Variants in PTN observed in about 807,000 individuals in gnomAD.
The protein encoded by PTN is heparin affin regulatory protein.
A neutral mutation model predicts 24.1 loss-of-function variants in PTN; 18 were observed. The observed-to-expected ratio is 0.75, with a 90% CI of 0.52 to 1.11. The LOEUF (loss-of-function observed/expected upper bound fraction) is 1.11. Among genes scored for constraint, PTN ranks in the 50% least tolerant of loss-of-function variants. The probability of loss-of-function intolerance (pLI) is 0.00; values close to 1 mark genes in which losing one functional copy is unlikely to be tolerated. For missense variants in PTN, 163 were observed against 198.8 expected (o/e 0.82, Z 1.08); for synonymous variants, 78 against 68.6 (o/e 1.14, Z -0.67).
In PTN at chr7:137,227,744, T is replaced by C. The variant is rs946829257; in HGVS notation, c.*276A>G. On this transcript the variant is annotated 3_prime_UTR_variant, in exon 5 of 5. Transcript: ENST00000348225. The stretch of plus-strand genomic sequence containing the variant: ...AAAAAATTTAATGTAAAATGTCACA[T>C]AATTTCAAAAAACTTACCTCAATTG... 7.0e-6 allele frequency: 2 copies of C among 284,922 alleles called. No individual in the cohort carries two copies. Among genetic ancestry groups the C allele is most frequent in the Non-Finnish European group, 1.3e-5 (2 of 155,420 alleles). 17.6% of individuals were successfully genotyped at this position (284,922 alleles called of 1,614,324 possible). A position where few individuals can be genotyped will look rare whatever the true frequency, so the allele number is the denominator to read the frequency against.
chr7:137,230,998 A>C (rs558788854), intron 4 of PTN, among the ~76,000 whole-genome samples: 10 of 151,914 alleles, frequency 6.6e-5, no homozygotes, highest in African/African-American at 2.4e-4. Flanking sequence ...AATGCCTCCC[A>C]TCCTTCAGGT....
intron 1 of PTN, among the ~76,000 whole-genome samples, chr7:137,286,092 A>T (rs896915859): frequency 1.3e-5 from 2 of 152,194 alleles, no homozygotes; most frequent in Admixed American, 1.3e-4. Context: ...ACTCATATGC[A>T]CCTAGTTTAG....
At chr7:137,244,813 T>A (rs1003387569) in intron 4 of PTN, among the ~76,000 whole-genome samples, 1 of 152,114 alleles carries the variant, frequency 6.6e-6, no homozygotes, top group Non-Finnish European at 1.5e-5. Context: ...GAAGGATTGC[T>A]TCTATACCTC....
At chr7:137,340,154 A>T (rs1352543849) in intron 1 of PTN, among the ~76,000 whole-genome samples, 1 of 152,206 alleles carries the variant, frequency 6.6e-6, no homozygotes, top group African/African-American at 2.4e-5. Flanking sequence ...ATCCCTAAAA[A>T]TATCTCAAAC....
Position 137,254,994 on chromosome 7 carries a change from G to C in PTN, c.-1-20C>G, listed in dbSNP as rs1367539309. ...TGCATTCTAGGAATAAACAGAGAAA[G>C]AGAAGAAGGTGGCATTAACCTAAGT... On this transcript the variant is annotated intron_variant, in intron 1 of 4. Transcript: ENST00000348225. The C allele has an allele frequency of 6.7e-7, 1 of 1,492,576 alleles. No individual in the cohort carries two copies. Among genetic ancestry groups the C allele is most frequent in the African/African-American group, 1.4e-5 (1 of 73,382 alleles). 92.5% of individuals were successfully genotyped at this position (1,492,576 alleles called of 1,614,324 possible). A position where few individuals can be genotyped will look rare whatever the true frequency, so the allele number is the denominator to read the frequency against.
chr7:137,236,641 C>G (rs532107528), intron 4 of PTN, among the ~76,000 whole-genome samples: 4 of 152,192 alleles, frequency 2.6e-5, no homozygotes, highest in Non-Finnish European at 4.4e-5. Flanking sequence ...TCATCGACCT[C>G]TATACCTAAA....
rs866712221 is a variant in PTN at position 137,318,272 on chromosome 7, T to C, written c.-2+25167A>G. On this transcript the variant is annotated intron_variant, in intron 1 of 4. Coordinates refer to ENST00000348225, the MANE Select transcript of PTN (RefSeq NM_002825.7). ...AACAGTGTGAGACTCGTCTTAATAA[T>C]AGATAAATAAAAGAGTAATCTAGTG... Among the ~76,000 whole-genome samples the C allele has an allele frequency of 1.1e-4, 17 of 152,208 alleles. No homozygotes were observed. The East Asian group carries it at 1.4e-3, about 12-fold the overall frequency.
intron 1 of PTN, among the ~76,000 whole-genome samples, chr7:137,304,021 A>G (rs1809847526): frequency 6.6e-6 from 1 of 152,018 alleles, no homozygotes; most frequent in South Asian, 2.1e-4. Context: ...AGTCTTCTGT[A>G]CCTAGACTGC....
At chr7:137,293,509 G>A (rs1464351769) in intron 1 of PTN, among the ~76,000 whole-genome samples, 1 of 152,106 alleles carries the variant, frequency 6.6e-6, no homozygotes, top group African/African-American at 2.4e-5. Flanking sequence ...TGTGCAGGGT[G>A]CTGAGGAAGA....
chr7:137,228,120 T>C (rs1226003581), intron 4 of PTN, 45 bp from the exon 5 acceptor site: 3 of 1,249,926 alleles, frequency 2.4e-6, no homozygotes, highest in Non-Finnish European at 3.5e-6. Context: ...AAGAGAAAAA[T>C]GTCAAGTTAC....
At chr7:137,327,234 C>A (rs1449166613) in intron 1 of PTN, among the ~76,000 whole-genome samples, 1 of 152,158 alleles carries the variant, frequency 6.6e-6, no homozygotes, top group Non-Finnish European at 1.5e-5. Flanking sequence ...CTTACTTTTA[C>A]CAATTCTTTT....
intron 1 of PTN, among the ~76,000 whole-genome samples, chr7:137,330,431 C>A (rs1810333089): frequency 6.6e-6 from 1 of 152,132 alleles, no homozygotes; most frequent in African/African-American, 2.4e-5. Context: ...CACATTACAG[C>A]AAATAGCAAT....
chr7:137,249,010 A>G (rs1808774939), intron 4 of PTN, among the ~76,000 whole-genome samples: 1 of 152,154 alleles, frequency 6.6e-6, no homozygotes, highest in South Asian at 2.1e-4. Flanking sequence ...CTTAACCTTC[A>G]TTACATGTTA....
intron 4 of PTN, among the ~76,000 whole-genome samples, chr7:137,247,538 G>T (rs1210742029): frequency 6.6e-6 from 1 of 152,070 alleles, no homozygotes; most frequent in Non-Finnish European, 1.5e-5. Context: ...GGGTGGTTGG[G>T]ATGGTTAATG....
At chr7:137,342,240 C>T (rs916069406) in intron 1 of PTN, among the ~76,000 whole-genome samples, 1 of 152,072 alleles carries the variant, frequency 6.6e-6, no homozygotes. Flanking sequence ...TAGTCCAGAG[C>T]TCTTTTTGGT....
At chr7:137,338,308 T>C (rs1810480867) in intron 1 of PTN, among the ~76,000 whole-genome samples, 1 of 152,196 alleles carries the variant, frequency 6.6e-6, no homozygotes, top group South Asian at 2.1e-4. Flanking sequence ...TCTTAAAAAT[T>C]ATATTGATTC....
In PTN at chr7:137,228,016, T is replaced by C. The variant is rs1189621235; in HGVS notation, c.*4A>G. The C allele has an allele frequency of 1.9e-6, 3 of 1,609,094 alleles. No individual in the cohort carries two copies. Among genetic ancestry groups the C allele is most frequent in the South Asian group, 2.2e-5 (2 of 90,556 alleles). On this transcript the variant is annotated 3_prime_UTR_variant, in exon 5 of 5. Coordinates refer to ENST00000348225, the MANE Select transcript of PTN (RefSeq NM_002825.7). ...TCCTTTTTATGTTCCACAGGTGACA[T>C]CTTTTAATCCAGCATCTTCTCCTGT...
Position 137,251,274 on chromosome 7 carries a change from G to T in PTN, c.407C>A (p.Thr136Asn), listed in dbSNP as rs1808821910. 6.2e-7 allele frequency: 1 copy of T among 1,614,022 alleles called. No homozygotes were observed. The change falls in exon 4 of 5, where the codon ACC becomes AAC. Residue 136 changes from threonine (T) to asparagine (N), a missense_variant. Coordinates refer to ENST00000348225, the MANE Select transcript of PTN (RefSeq NM_002825.7). ...LHNAECQKTVTISKPCGKLTK... is the reference protein window; with the variant it reads ...LHNAECQKTVNISKPCGKLTK... ...CAGTTTGCCACAGGGCTTGGAGATG[G>T]TGACAGTCTTCTGGCATTCGGCATT...
intron 4 of PTN, among the ~76,000 whole-genome samples, chr7:137,233,965 CAT>C (rs1411028621): frequency 6.7e-6 from 1 of 148,562 alleles, no homozygotes; most frequent in Non-Finnish European, 1.5e-5. Flanking sequence ...TATACATATA[CAT>C]ATATATGTAT....
Sources: allele counts gnomAD v4.1 joint callset (sites outside exome capture counted in the v4.1 genomes callset), GRCh38; gene constraint gnomAD v4.1.1; transcripts MANE v1.5; gene names NCBI Gene and HGNC (gene_info 2026-07-23, HGNC 2026-07-21).